The following NEB variants were observed in gnomAD, a reference collection of about 807,000 sequenced individuals.
The protein encoded by NEB is nebulin, also known as nemaline myopathy type 2.
Under a neutral mutation model 952.2 loss-of-function variants are expected in NEB, and 512 were observed. The ratio of observed to expected loss-of-function variants is 0.54; its 90% CI spans 0.50 to 0.58. The LOEUF (loss-of-function observed/expected upper bound fraction) is 0.58, where lower values mean the gene tolerates loss of function less well. Ranked by LOEUF, NEB falls within the 20% of genes least tolerant of loss-of-function variation. The pLI is 0.00. For missense variants in NEB, 8,428 were observed against 9,231.1 expected (o/e 0.91, Z 3.56); for synonymous variants, 2,900 against 3,149.8 (o/e 0.92, Z 2.66).
intron 121 of NEB, 61 bp downstream of exon 121, chr2:151,562,049 T>C: frequency 7.3e-7 from 1 of 1,369,576 alleles, no homozygotes. Flanking sequence ...ATCAGCCCAC[T>C]GACACCACCA....
chr2:151,728,714 G>T (rs2099797846), intron 4 of NEB, among the ~76,000 whole-genome samples: 1 of 152,124 alleles, frequency 6.6e-6, no homozygotes, highest in African/African-American at 2.4e-5. Context: ...AAGATAAGCA[G>T]CCAACTCTTC....
intron 13 of NEB, among the ~76,000 whole-genome samples, chr2:151,701,601 T>C (rs892335332): frequency 1.7e-4 from 26 of 151,802 alleles, no homozygotes; most frequent in Admixed American, 2.6e-4. Flanking sequence ...TGGGAGATTG[T>C]ATGTGTCGAG....
chr2:151,487,225 GAGT>G (rs1166183761), intron 181 of NEB, among the ~76,000 whole-genome samples: 19 of 152,148 alleles, frequency 1.2e-4, no homozygotes, highest in Non-Finnish European at 5.9e-5. Context: ...GGGAGCATAC[GAGT>G]AGTAAAAGTT....
At chr2:151,552,526 G>T in intron 128 of NEB, 146 bp downstream of exon 128, 1 of 588,566 alleles carries the variant, frequency 1.7e-6, no homozygotes. Flanking sequence ...ATAGCCAGCA[G>T]CATCTTCAGT....
chr2:151,676,564 G>A (rs1487932642), intron 34 of NEB, among the ~76,000 whole-genome samples: 1 of 152,126 alleles, frequency 6.6e-6, no homozygotes, highest in African/African-American at 2.4e-5. Flanking sequence ...TTACTAATCA[G>A]GTTACAATCC....
At chr2:151,523,651 T>A (rs1184100501) in intron 153 of NEB, among the ~76,000 whole-genome samples, 1 of 152,208 alleles carries the variant, frequency 6.6e-6, no homozygotes, top group African/African-American at 2.4e-5. Flanking sequence ...ATAATTGGCC[T>A]AACAAGGGAA....
intron 65 of NEB, among the ~76,000 whole-genome samples, chr2:151,632,817 G>A (rs999746471): frequency 7.2e-5 from 11 of 152,058 alleles, no homozygotes; most frequent in African/African-American, 2.7e-4. Flanking sequence ...CCAACAAATA[G>A]ACAGATGGTA....
intron 54 of NEB, among the ~76,000 whole-genome samples, chr2:151,648,085 G>A (rs2098983283): frequency 6.6e-6 from 1 of 152,192 alleles, no homozygotes; most frequent in Admixed American, 6.5e-5. Flanking sequence ...GAAAGCAAAT[G>A]TGGTAAAATT....
At position 151,619,521 on chromosome 2, in the gene NEB, T is replaced by C. The variant is rs371568550; in HGVS notation, c.10802A>G (p.His3601Arg). 9.3e-5 allele frequency: 150 copies of C among 1,613,852 alleles called. No individual in the cohort carries two copies. The highest frequency in any genetic ancestry group is 6.8e-4 in the Admixed American group (41 of 59,994). Residue 3601 changes from histidine to arginine, a missense_variant, in exon 73 of 182, where the codon CAT becomes CGT. This residue lies in a region of NEB where 1,772 missense variants were observed against 1,960.3 expected (regional missense o/e 0.90). Coordinates refer to ENST00000397345, the MANE Select transcript of NEB (RefSeq NM_001164508.2). ...CTGGTCGGGCAGGCAGATCCATTCATGCAGAGGATGTTTATAGTCCACATC... is the reference window on the plus strand; with the variant it reads ...CTGGTCGGGCAGGCAGATCCATTCACGCAGAGGATGTTTATAGTCCACATC... ...VSDVDYKHPL[H>R]EWICLPDQND...
At chr2:151,540,670 T>A in intron 137 of NEB, 27 bp downstream of exon 137, 1 of 1,581,258 alleles carries the variant, frequency 6.3e-7, no homozygotes, top group South Asian at 1.1e-5. Flanking sequence ...TTTTACCCAG[T>A]GCCTCAGTGC....
In NEB at chr2:151,671,186, C is replaced by G. The variant is rs756000690; in HGVS notation, c.4343G>C (p.Gly1448Ala). 3.7e-6 allele frequency: 6 copies of G among 1,613,836 alleles called. No homozygotes were observed. Among genetic ancestry groups the G allele is most frequent in the Non-Finnish European group, 4.2e-6 (5 of 1,179,874 alleles). ...DEYNSFLKGI[G>A]WIPIGSLEVE... The stretch of plus-strand genomic sequence containing the variant: ...CTCCAGGGAACCAATAGGGATCCAT[C>G]CGATGCCCTTCAAGAAGCTGTTATA... Residue 1448 changes from glycine (G) to alanine (A), a missense_variant, in exon 38 of 182, where the codon GGA (glycine) becomes GCA (alanine). Transcript: ENST00000397345.
intron 169 of NEB, 137 bp from the exon 170 acceptor site, chr2:151,498,489 A>G (rs1575075918): frequency 8.0e-6 from 5 of 625,976 alleles, no homozygotes; most frequent in East Asian, 5.5e-5. Flanking sequence ...TTTAGACTCA[A>G]CCTGTTTGTT....
In NEB at chr2:151,611,378, C is replaced by G. The variant is rs536483432; in HGVS notation, c.11806-512G>C. Among the ~76,000 whole-genome samples the G allele has an allele frequency of 1.1e-4, 16 of 152,266 alleles. No homozygotes were observed. The South Asian group carries it at 3.3e-3, about 32-fold the overall frequency. ...TAAAATGCCCAAGTCATAGCAGATA[C>G]TCAACGATTTTTTGGTGATTCCTAT... On this transcript the variant is annotated intron_variant, in intron 78 of 181. Coordinates refer to ENST00000397345, the MANE Select transcript of NEB (RefSeq NM_001164508.2).
At position 151,625,525 on chromosome 2, in the gene NEB, T is replaced by G; in HGVS notation, c.10452+9A>C. ...GGCCAGACCAAAGAAATAAAACAAATGATCTTACCTCACTATAATTTATTT... is the reference window on the plus strand; with the variant it reads ...GGCCAGACCAAAGAAATAAAACAAAGGATCTTACCTCACTATAATTTATTT... On this transcript the variant is annotated intron_variant, in intron 71 of 181. Transcript: ENST00000397345. 9.6e-6 allele frequency: 15 copies of G among 1,558,270 alleles called. No homozygotes were observed. The highest frequency in any genetic ancestry group is 1.4e-5 in the African/African-American group (1 of 73,872).
At chr2:151,515,272 T>C (rs548720543) in intron 157 of NEB, among the ~76,000 whole-genome samples, 2 of 152,264 alleles carry the variant, frequency 1.3e-5, no homozygotes, top group South Asian at 4.1e-4. Context: ...TTTCTTAAGG[T>C]GACAAAAGAC....
rs894510317 is a variant in NEB, at chr2:151,491,034, A to G, written c.25151-516T>C. 4.3e-5 allele frequency among the ~76,000 whole-genome samples: 5 copies of G among 114,968 alleles called. No homozygotes were observed. The Admixed American group carries it at 5.6e-4, about 13-fold the overall frequency. 75.4% of individuals were successfully genotyped at this position (114,968 alleles called of 152,430 possible). A position where few individuals can be genotyped will look rare whatever the true frequency, so the allele number is the denominator to read the frequency against. Reference sequence around the variant, plus strand: ...CCTTTGAGGACTGTCTCTACATAATATCCTTTTTTTTTTTTTTTGAGATGG... The same window carrying G: ...CCTTTGAGGACTGTCTCTACATAATGTCCTTTTTTTTTTTTTTTGAGATGG... On this transcript the variant is annotated intron_variant, in intron 179 of 181. Transcript: ENST00000397345.
At chr2:151,679,667 A>ACCCCCCCCCC in intron 32 of NEB, 54 bp downstream of exon 32, 1 of 486,364 alleles carries the variant, frequency 2.1e-6, no homozygotes, top group Non-Finnish European at 4.1e-6. Context: ...TCAGACCCCA[A>ACCCCCCCCCC]GCCCACCCAC....
rs2153439690 is a variant in NEB, at chr2:151,524,599, A to G, written c.22290T>C (p.Asp7430=). 1 of 1,573,172 alleles carries G rather than the reference A, an allele frequency of 6.4e-7. No homozygotes were observed. The highest frequency in any genetic ancestry group is 8.6e-7 in the Non-Finnish European group (1 of 1,160,378). ...TGGTGTAATGCAGGTTCTCTTTGGCATCTTTTCTGTAAGCGACCTTTATTG... is the reference window on the plus strand; with the variant it reads ...TGGTGTAATGCAGGTTCTCTTTGGCGTCTTTTCTGTAAGCGACCTTTATTG... ...KKQSDVAYRK[D]AKENLHYTTV... is the part of the protein sequence containing the mutation. The change falls in exon 152 of 182, where the codon GAT becomes GAC. Residue 7430 remains aspartate, a synonymous_variant. Transcript: ENST00000397345.
rs1257538162 is a variant in NEB, at chr2:151,631,349, G to C, written c.9415-3C>G. ...TGGAGATCTGACTTGTAAATATTCTGAGCAGAGGAAAAAAGTCAAAAACTC... is the reference window on the plus strand; with the variant it reads ...TGGAGATCTGACTTGTAAATATTCTCAGCAGAGGAAAAAAGTCAAAAACTC... On this transcript the variant is annotated splice_region_variant and splice_polypyrimidine_tract_variant and intron_variant, in intron 65 of 181. Coordinates refer to ENST00000397345, the MANE Select transcript of NEB (RefSeq NM_001164508.2). The C allele has an allele frequency of 1.2e-6, 2 of 1,607,092 alleles. No homozygotes were observed. Among genetic ancestry groups the C allele is most frequent in the East Asian group, 4.5e-5 (2 of 44,734 alleles).
Sources: allele counts gnomAD v4.1 joint callset (sites outside exome capture counted in the v4.1 genomes callset), GRCh38; gene constraint gnomAD v4.1.1; regional missense constraint gnomAD v4.1.1; transcripts MANE v1.5; gene names NCBI Gene and HGNC (gene_info 2026-07-23, HGNC 2026-07-21).